Variants in SCEL observed in about 807,000 individuals in gnomAD.
The protein encoded by SCEL is sciellin.
Under a neutral mutation model 117.6 loss-of-function variants are expected in SCEL, and 113 were observed. The observed-to-expected ratio is 0.96, with a 90% confidence interval of 0.83 to 1.12. The LOEUF (loss-of-function observed/expected upper bound fraction) is 1.12, where lower values mean the gene tolerates loss of function less well. Among genes scored for constraint, SCEL ranks in the 50% most tolerant of loss-of-function variants. The probability of loss-of-function intolerance (pLI) is 0.00; values close to 1 mark genes in which losing one functional copy is unlikely to be tolerated. For synonymous variants in SCEL, 270 were observed against 256.2 expected, an observed-to-expected ratio of 1.05 and a Z score of -0.51; for missense variants, 785 against 810.8, an observed-to-expected ratio of 0.97 and a Z score of 0.39.
chr13:77,581,335 T>C (rs1214615087), intron 9 of SCEL, among the ~76,000 whole-genome samples: 2 of 152,252 alleles, frequency 1.3e-5, no homozygotes, highest in Admixed American at 6.5e-5. Flanking sequence ...AGAAACCTAA[T>C]TCGCAATCTG....
intron 27 of SCEL, among the ~76,000 whole-genome samples, chr13:77,618,676 A>G (rs1022339456): frequency 6.6e-6 from 1 of 152,160 alleles, no homozygotes; most frequent in African/African-American, 2.4e-5. Context: ...TGGGCTTCTT[A>G]TTTGCACTAA....
intron 8 of SCEL, among the ~76,000 whole-genome samples, chr13:77,571,418 G>C (rs1213365137): frequency 6.7e-6 from 1 of 149,870 alleles, no homozygotes; most frequent in Admixed American, 6.7e-5. Context: ...GCTGGGCGCA[G>C]TGGCTCATGC....
intron 27 of SCEL, among the ~76,000 whole-genome samples, chr13:77,621,049 G>C (rs1199624894): frequency 2.0e-5 from 3 of 152,056 alleles, no homozygotes; most frequent in Non-Finnish European, 4.4e-5. Flanking sequence ...CTCAGGGAGT[G>C]GTCCAAGACA....
chr13:77,641,651 C>T (rs761328146), intron 31 of SCEL, among the ~76,000 whole-genome samples: 4 of 152,086 alleles, frequency 2.6e-5, no homozygotes, highest in Non-Finnish European at 5.9e-5. Context: ...TTTTAAAAAG[C>T]TCCTTGATTA....
chr13:77,567,185 G>T (rs2085336938), intron 5 of SCEL, among the ~76,000 whole-genome samples: 1 of 152,222 alleles, frequency 6.6e-6, no homozygotes, highest in Non-Finnish European at 1.5e-5. Flanking sequence ...TGGGTGCCTT[G>T]GCTCACACGT....
intron 24 of SCEL, among the ~76,000 whole-genome samples, chr13:77,615,377 C>T (rs2088947091): frequency 6.6e-6 from 1 of 152,020 alleles, no homozygotes; most frequent in Non-Finnish European, 1.5e-5. Context: ...TAATTAAGCG[C>T]CTTGGAAAAT....
intron 4 of SCEL, 56 bp from the exon 5 acceptor site, chr13:77,563,775 C>A: frequency 7.5e-7 from 1 of 1,334,296 alleles, no homozygotes; most frequent in Non-Finnish European, 1.0e-6. Flanking sequence ...GTTTTATAAA[C>A]TTTTTTTTTG....
At chr13:77,570,935 C>T (rs920044870) in intron 8 of SCEL, among the ~76,000 whole-genome samples, 3 of 151,566 alleles carry the variant, frequency 2.0e-5, no homozygotes, top group Admixed American at 2.0e-4. Flanking sequence ...CAGGTTTAAC[C>T]AATTATTTGC....
intron 20 of SCEL, 134 bp from the exon 21 acceptor site, chr13:77,608,924 G>A: frequency 1.4e-6 from 1 of 691,542 alleles, no homozygotes; most frequent in Non-Finnish European, 2.4e-6. Context: ...TAAATTAAGA[G>A]CATAGACTGG....
intron 4 of SCEL, 33 bp from the exon 5 acceptor site, chr13:77,563,798 T>C: frequency 1.8e-6 from 1 of 563,826 alleles, no homozygotes. Flanking sequence ...ATTGATTTGA[T>C]TTTTTTTTTT....
At position 77,618,077 on chromosome 13, in the gene SCEL, A is replaced by G. The variant is rs2089190224; in HGVS notation, c.1628+17A>G. 12 of 1,591,096 alleles carry G rather than the reference A, an allele frequency of 7.5e-6. No homozygotes were observed. In the Admixed American group the frequency reaches 1.7e-4, roughly 22 times the overall value. On this transcript the variant is annotated intron_variant, in intron 27 of 32. Transcript: ENST00000349847. ...CACTAATCGGTAAATGACCTTGACT[A>G]TCTTGACATGTTTACAAGTTTCTAG...
intron 28 of SCEL, among the ~76,000 whole-genome samples, chr13:77,634,010 T>C (rs1287620792): frequency 6.6e-6 from 1 of 152,222 alleles, no homozygotes; most frequent in Non-Finnish European, 1.5e-5. Context: ...TAAGGTCTAC[T>C]TTTGGTTTGA....
chr13:77,597,517 T>A, intron 12 of SCEL, 28 bp from the exon 13 acceptor site: 1 of 1,393,196 alleles, frequency 7.2e-7, no homozygotes, highest in Non-Finnish European at 9.9e-7. Context: ...TTTTTACTAA[T>A]GTTAAACATT....
chr13:77,608,765 T>C (rs188021949), intron 20 of SCEL, among the ~76,000 whole-genome samples: 65 of 152,290 alleles, frequency 4.3e-4, no homozygotes, highest in African/African-American at 1.5e-3. Flanking sequence ...GGGAACCAGG[T>C]GAGAATTTTT....
At chr13:77,619,587 A>T (rs966714694) in intron 27 of SCEL, among the ~76,000 whole-genome samples, 1 of 152,100 alleles carries the variant, frequency 6.6e-6, no homozygotes, top group African/African-American at 2.4e-5. Flanking sequence ...ATTCTGGAGG[A>T]TTATTGTTAA....
intron 9 of SCEL, among the ~76,000 whole-genome samples, chr13:77,587,113 A>T (rs968454939): frequency 2.0e-5 from 3 of 151,844 alleles, no homozygotes; most frequent in African/African-American, 7.3e-5. Flanking sequence ...ATCCCTACTC[A>T]ACCTCCTCAC....
intron 5 of SCEL, among the ~76,000 whole-genome samples, chr13:77,566,723 C>T (rs905407826): frequency 6.6e-6 from 1 of 152,174 alleles, no homozygotes; most frequent in South Asian, 2.1e-4. Context: ...CATGAAGTGA[C>T]TCAGGGACCT....
intron 2 of SCEL, among the ~76,000 whole-genome samples, 156 bp downstream of exon 2, chr13:77,556,074 T>C (rs581609): frequency 0.93 from 141,372 of 152,290 alleles, 65,664 homozygotes; most frequent in South Asian, 0.96. Context: ...AGTATACTTG[T>C]CGCAGCTTTT....
rs990357497 is a variant in SCEL at position 77,599,402 on chromosome 13, T to C, written c.857+14T>C. ...AAGAGAGAAAAGGTAAGTGCATCTG[T>C]CTCAAATATGAAAATCTTACCTTGC... On this transcript the variant is annotated intron_variant, in intron 14 of 32. Coordinates refer to ENST00000349847, the MANE Select transcript of SCEL (RefSeq NM_144777.3). 1.1e-5 allele frequency: 18 copies of C among 1,605,000 alleles called. No individual in the cohort carries two copies. The highest frequency in any genetic ancestry group is 2.7e-5 in the African/African-American group (2 of 74,654).
Sources: gnomAD v4.1 joint callset for allele counts (sites outside exome capture counted in the v4.1 genomes callset) on GRCh38, gnomAD v4.1.1 for gene constraint, MANE v1.5 for transcripts, NCBI Gene and HGNC (gene_info 2026-07-23, HGNC 2026-07-21) for gene names.